SLC1A2: variants seen among roughly 807,000 people sequenced by gnomAD.
The protein encoded by SLC1A2 is excitatory amino acid transporter 2.
In SLC1A2, 15 loss-of-function variants were observed where a neutral mutation model predicts 48.8. The ratio of observed to expected loss-of-function variants is 0.31; its 90% confidence interval spans 0.21 to 0.47. The LOEUF is 0.47. Among genes scored for constraint, SLC1A2 ranks in the 20% least tolerant of loss-of-function variants. The probability of loss-of-function intolerance (pLI) is 0.99; values close to 1 mark genes in which losing one functional copy is unlikely to be tolerated. For missense variants in SLC1A2, 502 were observed against 730.5 expected, an observed-to-expected ratio of 0.69 and a Z score of 3.61; for synonymous variants, 279 against 272.6, an observed-to-expected ratio of 1.02 and a Z score of -0.23.
At chr11:35,347,231 G>A (rs1479932368) in intron 1 of SLC1A2, among the ~76,000 whole-genome samples, 3 of 152,192 alleles carry the variant, frequency 2.0e-5, no homozygotes, top group East Asian at 1.9e-4. Context: ...CCATGAGAGC[G>A]AGAAGAAGTG....
rs550154704 is a variant in SLC1A2, at chr11:35,254,935, A to G, written c.*5959T>C. ...AGTTATTCAGGATATTATTTAGGAT[A>G]AATGAAATAGGAACTTAGGGGCATC... is the stretch of plus-strand genomic sequence containing the variant. On this transcript the variant is annotated 3_prime_UTR_variant, in exon 11 of 11. Coordinates refer to ENST00000278379, the MANE Select transcript of SLC1A2 (RefSeq NM_004171.4). The G allele has an allele frequency of 4.4e-5, 15 of 341,606 alleles. No homozygotes were observed. The highest frequency in any genetic ancestry group is 8.0e-5 in the Non-Finnish European group (14 of 174,930). 21.2% of individuals were successfully genotyped at this position (341,606 alleles called of 1,614,324 possible).
At chr11:35,287,911 AT>A (rs1273804130) in intron 7 of SLC1A2, among the ~76,000 whole-genome samples, 4 of 152,120 alleles carry the variant, frequency 2.6e-5, no homozygotes, top group Non-Finnish European at 5.9e-5. Flanking sequence ...CATCCTCTTG[AT>A]TTTTTTCTAT....
intron 1 of SLC1A2, among the ~76,000 whole-genome samples, chr11:35,341,315 T>C (rs898237131): frequency 6.6e-6 from 1 of 152,156 alleles, no homozygotes; most frequent in Admixed American, 6.5e-5. Context: ...AGTATTTAAG[T>C]ATTTACTACC....
chr11:35,392,654 A>G (rs1854819330), intron 1 of SLC1A2, among the ~76,000 whole-genome samples: 1 of 151,950 alleles, frequency 6.6e-6, no homozygotes, highest in Admixed American at 6.6e-5. Flanking sequence ...GGGTTCCCAC[A>G]CTCTTTTTCC....
chr11:35,287,005 G>A lies in SLC1A2; in HGVS notation c.1092-54C>T, dbSNP rs1850843245. The stretch of plus-strand genomic sequence containing the variant: ...GGTTATGTCCACTTTAGAGAAGCAG[G>A]ACAATGCATAAACTGGAATGCCACT... On this transcript the variant is annotated intron_variant, in intron 7 of 10. Transcript: ENST00000278379. The A allele has an allele frequency of 6.4e-6, 9 of 1,403,830 alleles. No individual in the cohort carries two copies. In the South Asian group the frequency reaches 1.1e-4, roughly 17 times the overall value. The allele number at this position is 1,403,830 out of a possible 1,614,324, so 87.0% of individuals were successfully genotyped here.
intron 1 of SLC1A2, among the ~76,000 whole-genome samples, chr11:35,394,802 T>A (rs1199326565): frequency 6.6e-6 from 1 of 152,168 alleles, no homozygotes; most frequent in Non-Finnish European, 1.5e-5. Flanking sequence ...GGGCACGACA[T>A]GGCAGCTGAA....
At chr11:35,338,413 G>A (rs113967428) in intron 1 of SLC1A2, among the ~76,000 whole-genome samples, 8 of 152,190 alleles carry the variant, frequency 5.3e-5, no homozygotes, top group African/African-American at 1.7e-4. Flanking sequence ...TGGTTTGGAT[G>A]GAACTGACCC....
chr11:35,395,275 T>C (rs192676103), intron 1 of SLC1A2, among the ~76,000 whole-genome samples: 25 of 152,116 alleles, frequency 1.6e-4, no homozygotes, highest in Admixed American at 3.9e-4. Context: ...TTTTTTTTTT[T>C]CTCTTAACTT....
intron 6 of SLC1A2, among the ~76,000 whole-genome samples, chr11:35,296,370 C>T (rs920865850): frequency 6.6e-6 from 1 of 152,206 alleles, no homozygotes; most frequent in African/African-American, 2.4e-5. Flanking sequence ...GAAAGTATCA[C>T]AAATCTTCAT....
At chr11:35,292,122 TAGA>T (rs1851028867) in intron 7 of SLC1A2, 162 bp downstream of exon 7, 4 of 644,580 alleles carry the variant, frequency 6.2e-6, no homozygotes, top group South Asian at 5.9e-5. Flanking sequence ...CAGAAGTTCC[TAGA>T]AGGAGACAAA....
intron 9 of SLC1A2, among the ~76,000 whole-genome samples, chr11:35,268,973 T>A (rs1018704889): frequency 6.6e-6 from 1 of 152,218 alleles, no homozygotes; most frequent in Non-Finnish European, 1.5e-5. Flanking sequence ...GATGACTTAC[T>A]GCTGTGATCT....
At chr11:35,340,056 T>A (rs961046453) in intron 1 of SLC1A2, among the ~76,000 whole-genome samples, 16 of 152,214 alleles carry the variant, frequency 1.1e-4, no homozygotes, top group African/African-American at 3.4e-4. Context: ...CTTGTTAAGC[T>A]TTTTTCCTTG....
At chr11:35,322,014 C>A (rs763475416) in intron 1 of SLC1A2, among the ~76,000 whole-genome samples, 1 of 152,042 alleles carries the variant, frequency 6.6e-6, no homozygotes, top group Non-Finnish European at 1.5e-5. Context: ...AGTTCCAGTG[C>A]GCCAACTCAG....
At chr11:35,395,611 C>T (rs2135254683) in intron 1 of SLC1A2, among the ~76,000 whole-genome samples, 2 of 152,040 alleles carry the variant, frequency 1.3e-5, no homozygotes, top group East Asian at 3.9e-4. Context: ...TATACCTGAG[C>T]CACAGTCTTA....
At chr11:35,416,393 A>G (rs548668784) in intron 1 of SLC1A2, among the ~76,000 whole-genome samples, 97 of 152,336 alleles carry the variant, frequency 6.4e-4, no homozygotes, top group African/African-American at 2.3e-3. Flanking sequence ...TTTTATCCTT[A>G]AAGTCTATTT....
chr11:35,395,090 C>T (rs998220495), intron 1 of SLC1A2, among the ~76,000 whole-genome samples: 8 of 152,082 alleles, frequency 5.3e-5, no homozygotes, highest in African/African-American at 1.9e-4. Flanking sequence ...CAATGAACAA[C>T]AATGGGCTCT....
At chr11:35,346,864 T>G (rs1312983982) in intron 1 of SLC1A2, among the ~76,000 whole-genome samples, 6 of 152,154 alleles carry the variant, frequency 3.9e-5, no homozygotes, top group Non-Finnish European at 7.4e-5. Context: ...TCCCCATGGG[T>G]ACCCCACATC....
chr11:35,314,622 A>T, intron 3 of SLC1A2, among the ~76,000 whole-genome samples: 1 of 151,798 alleles, frequency 6.6e-6, no homozygotes, highest in Non-Finnish European at 1.5e-5. Context: ...CTGAGGCAGG[A>T]GAATCGCTTG....
intron 1 of SLC1A2, among the ~76,000 whole-genome samples, chr11:35,363,401 A>C (rs1357753622): frequency 1.3e-5 from 2 of 151,978 alleles, no homozygotes; most frequent in East Asian, 3.9e-4. Context: ...GTTGCTACAG[A>C]TGCCTCTTCT....
Sources: allele counts gnomAD v4.1 joint callset (sites outside exome capture counted in the v4.1 genomes callset), GRCh38; gene constraint gnomAD v4.1.1; transcripts MANE v1.5; gene names NCBI Gene and HGNC (gene_info 2026-07-23, HGNC 2026-07-21).